Variants in MECOM observed in about 807,000 individuals in gnomAD.
MECOM encodes MDS1 and EVI1 complex locus.
MECOM carries 13 observed loss-of-function variants against 116.3 expected under a neutral mutation model. That is an observed-to-expected ratio of 0.11 (90% CI 0.07 to 0.18). The LOEUF is 0.18. Among genes scored for constraint, MECOM ranks in the 10% least tolerant of loss-of-function variants. The pLI, the probability that MECOM is intolerant of heterozygous loss-of-function variation, is 1.00. For synonymous variants in MECOM, 528 were observed against 535.2 expected (o/e 0.99, Z 0.19); for missense variants, 1,299 against 1,509.0 (o/e 0.86, Z 2.31).
intron 2 of MECOM, among the ~76,000 whole-genome samples, chr3:169,196,901 T>G (rs1427693186): frequency 1.3e-5 from 2 of 151,972 alleles, no homozygotes; most frequent in African/African-American, 4.8e-5. Flanking sequence ...AGCAAAATCA[T>G]GGAGTCAACC....
chr3:169,573,022 A>T (rs1764101955), intron 1 of MECOM, among the ~76,000 whole-genome samples: 1 of 152,154 alleles, frequency 6.6e-6, no homozygotes, highest in Admixed American at 6.5e-5. Flanking sequence ...CAGCTGGGCA[A>T]TCAAAACTGG....
chr3:169,569,877 C>T (rs990754275), intron 1 of MECOM, among the ~76,000 whole-genome samples: 7 of 152,058 alleles, frequency 4.6e-5, no homozygotes, highest in African/African-American at 1.4e-4. Context: ...GCTAAATGCC[C>T]ACAGGAGAAA....
chr3:169,588,837 T>C (rs1218416309), intron 1 of MECOM, among the ~76,000 whole-genome samples: 3 of 152,154 alleles, frequency 2.0e-5, no homozygotes, highest in African/African-American at 7.2e-5. Context: ...TGTTCTTTGA[T>C]ATATATGTAT....
chr3:169,375,067 A>G (rs1730783691), intron 2 of MECOM, among the ~76,000 whole-genome samples: 1 of 151,970 alleles, frequency 6.6e-6, no homozygotes, highest in African/African-American at 2.4e-5. Flanking sequence ...AAGGTCATAG[A>G]TGATATTATG....
intron 1 of MECOM, among the ~76,000 whole-genome samples, chr3:169,652,981 T>A (rs1775099424): frequency 6.6e-6 from 1 of 152,134 alleles, no homozygotes; most frequent in Admixed American, 6.6e-5. Flanking sequence ...CAGAATCAGG[T>A]CTAGTACAGA....
intron 7 of MECOM, among the ~76,000 whole-genome samples, chr3:169,117,859 C>A (rs1335775245): frequency 6.6e-6 from 1 of 152,130 alleles, no homozygotes; most frequent in East Asian, 1.9e-4. Context: ...AGTATCAGTA[C>A]CCTGAGCATC....
At chr3:169,633,773 G>C (rs1172802241) in intron 1 of MECOM, among the ~76,000 whole-genome samples, 1 of 152,018 alleles carries the variant, frequency 6.6e-6, no homozygotes, top group Admixed American at 6.6e-5. Flanking sequence ...AGAGGCTAAG[G>C]TTGGGGGTCA....
intron 2 of MECOM, among the ~76,000 whole-genome samples, chr3:169,301,705 C>A (rs1398204739): frequency 6.6e-6 from 1 of 152,124 alleles, no homozygotes; most frequent in Non-Finnish European, 1.5e-5. Context: ...AAAAGATATG[C>A]TAATTTTGAT....
rs1166999297 is a variant in MECOM, at chr3:169,498,192, A to G, written c.38-116668T>C. 2.0e-5 allele frequency among the ~76,000 whole-genome samples: 3 copies of G among 151,156 alleles called. No homozygotes were observed. The Admixed American group carries it at 2.0e-4, about 10-fold the overall frequency. ...AGTTAAGTGTAATTTGAAATATTATATCTTAAATTAATAAAGAAGATTTAG... is the reference window on the plus strand; with the variant it reads ...AGTTAAGTGTAATTTGAAATATTATGTCTTAAATTAATAAAGAAGATTTAG... On this transcript the variant is annotated intron_variant, in intron 1 of 16. Coordinates refer to ENST00000651503, the MANE Select transcript of MECOM (RefSeq NM_004991.4).
rs1350327647 is a variant in MECOM, at chr3:169,116,751, C to A, written c.1133-12G>T. On this transcript the variant is annotated splice_polypyrimidine_tract_variant and intron_variant, in intron 7 of 16. Coordinates refer to ENST00000651503, the MANE Select transcript of MECOM (RefSeq NM_004991.4). ...ATGGCAGACCTCACCTGTGTGCAAA[C>A]AACAAAAAAGAATCTCAGGCTTTAT... The A allele has an allele frequency of 1.9e-6, 3 of 1,559,288 alleles. No homozygotes were observed. The highest frequency in any genetic ancestry group is 1.4e-5 in the African/African-American group (1 of 72,464).
chr3:169,231,723 TGAGGG>T (rs1361732696), intron 2 of MECOM, among the ~76,000 whole-genome samples: 1 of 148,760 alleles, frequency 6.7e-6, no homozygotes, highest in African/African-American at 2.5e-5. Flanking sequence ...ATGAAGTGAG[TGAGGG>T]GAATATCAGG....
In MECOM at chr3:169,412,386, T is replaced by C. The variant is rs973135677; in HGVS notation, c.38-30862A>G. 7.9e-5 allele frequency among the ~76,000 whole-genome samples: 12 copies of C among 152,062 alleles called. No homozygotes were observed. The East Asian group carries it at 1.9e-3, about 24-fold the overall frequency. On this transcript the variant is annotated intron_variant, in intron 1 of 16. Transcript: ENST00000651503. The stretch of plus-strand genomic sequence containing the variant: ...TGGGTTATTTTTATTACAATGATCT[T>C]ACTCTTGAAAATCCATGCTGTTTTC...
chr3:169,282,705 T>G (rs1477811586), intron 2 of MECOM, among the ~76,000 whole-genome samples: 3 of 152,150 alleles, frequency 2.0e-5, no homozygotes, highest in Admixed American at 6.5e-5. Context: ...GCTGTAGTCC[T>G]CAAGCATTTA....
At chr3:169,471,622 AT>A (rs1400617076) in intron 1 of MECOM, among the ~76,000 whole-genome samples, 1 of 152,166 alleles carries the variant, frequency 6.6e-6, no homozygotes, top group Non-Finnish European at 1.5e-5. Flanking sequence ...AGCTCCCATG[AT>A]ACTGCACTAC....
intron 2 of MECOM, among the ~76,000 whole-genome samples, chr3:169,320,903 G>A (rs1220587239): frequency 6.6e-6 from 1 of 152,080 alleles, no homozygotes; most frequent in Non-Finnish European, 1.5e-5. Context: ...TTACTTTCTA[G>A]GTTCTGTGCT....
At chr3:169,187,598 T>C (rs1422244300) in intron 2 of MECOM, among the ~76,000 whole-genome samples, 1 of 152,086 alleles carries the variant, frequency 6.6e-6, no homozygotes, top group Non-Finnish European at 1.5e-5. Context: ...AATAAGACTC[T>C]ATATTAAACT....
chr3:169,632,030 A>G (rs1236264420), intron 1 of MECOM, among the ~76,000 whole-genome samples: 1 of 152,054 alleles, frequency 6.6e-6, no homozygotes, highest in Non-Finnish European at 1.5e-5. Flanking sequence ...CACCAATTCC[A>G]TGAGCTGCTA....
chr3:169,462,581 T>C (rs1747630821), intron 1 of MECOM, among the ~76,000 whole-genome samples: 1 of 152,170 alleles, frequency 6.6e-6, no homozygotes, highest in African/African-American at 2.4e-5. Context: ...AATTTTCTAT[T>C]TAGCTTAATG....
At chr3:169,658,099 G>A (rs538418570) in intron 1 of MECOM, among the ~76,000 whole-genome samples, 35 of 152,304 alleles carry the variant, frequency 2.3e-4, no homozygotes, top group African/African-American at 4.1e-4. Context: ...TGGGAAGGGG[G>A]AAATCTAATT....
Sources: gnomAD v4.1 joint callset for allele counts (sites outside exome capture counted in the v4.1 genomes callset) on GRCh38, gnomAD v4.1.1 for gene constraint, MANE v1.5 for transcripts, NCBI Gene and HGNC (gene_info 2026-07-23, HGNC 2026-07-21) for gene names.